WDR25: variants seen among roughly 807,000 people sequenced by gnomAD.
WDR25 encodes the protein WD repeat domain 25.
Under a neutral mutation model 47.7 loss-of-function variants are expected in WDR25, and 35 were observed. That is an observed-to-expected ratio of 0.73 (90% CI 0.56 to 0.97). WDR25 has a LOEUF of 0.97. WDR25 is among the 50% of genes least tolerant of loss of function. The pLI is 0.00. For synonymous variants in WDR25, 248 were observed against 278.9 expected (o/e 0.89, Z 1.10); for missense variants, 634 against 704.7 (o/e 0.90, Z 1.14).
At position 100,500,193 on chromosome 14, in the gene WDR25, G is replaced by T. The variant is rs541776673; in HGVS notation, c.1101+16069G>T. On this transcript the variant is annotated intron_variant, in intron 4 of 6. Coordinates refer to ENST00000402312, the MANE Select transcript of WDR25 (RefSeq NM_001161476.3). The surrounding 1 kb of genome is among the most constrained non-coding windows in gnomAD (Gnocchi z 4.7). ...GGGCGGCTCCCTCCTAGTGCATTGT[G>T]TGTGCCCCTGGTGTGGACACTGGAG... is the stretch of plus-strand genomic sequence containing the variant. Among the ~76,000 whole-genome samples the T allele has an allele frequency of 1.3e-5, 2 of 152,256 alleles. No individual in the cohort carries two copies. Among genetic ancestry groups the T allele is most frequent in the African/African-American group, 4.8e-5 (2 of 41,554 alleles).
At chr14:100,390,276 C>T (rs1340553049) in intron 2 of WDR25, among the ~76,000 whole-genome samples, 1 of 151,910 alleles carries the variant, frequency 6.6e-6, no homozygotes, top group Non-Finnish European at 1.5e-5. Context: ...ATGTTTGTCT[C>T]TTTCTTATCT....
chr14:100,390,618 C>T (rs916356322), intron 2 of WDR25, among the ~76,000 whole-genome samples: 4 of 152,192 alleles, frequency 2.6e-5, no homozygotes, highest in Non-Finnish European at 5.9e-5. Context: ...GCCAGCCTTC[C>T]GGCATCTGAG....
chr14:100,397,877 C>T (rs892123564), intron 2 of WDR25, among the ~76,000 whole-genome samples: 20 of 152,200 alleles, frequency 1.3e-4, no homozygotes, highest in Non-Finnish European at 2.2e-4. Context: ...CTTGCTCTGT[C>T]GCCTAGGCTG....
intron 4 of WDR25, among the ~76,000 whole-genome samples, chr14:100,520,543 G>A (rs554984722): frequency 2.0e-5 from 3 of 152,282 alleles, no homozygotes; most frequent in South Asian, 2.1e-4. Flanking sequence ...CCATGTAAAT[G>A]TCAGCTGCTT....
intron 2 of WDR25, among the ~76,000 whole-genome samples, chr14:100,458,333 G>C (rs1218660882): frequency 1.3e-5 from 2 of 152,100 alleles, no homozygotes; most frequent in African/African-American, 4.8e-5. Context: ...CATAACATTA[G>C]GTGTGTAATG....
At chr14:100,448,640 A>G (rs1898920402) in intron 2 of WDR25, among the ~76,000 whole-genome samples, 1 of 152,126 alleles carries the variant, frequency 6.6e-6, no homozygotes, top group Admixed American at 6.5e-5. Flanking sequence ...ACACCTGGCA[A>G]TGTGGGCATG....
Position 100,488,910 on chromosome 14 carries a change from G to A in WDR25, c.1101+4786G>A, listed in dbSNP as rs1229888634. Among the ~76,000 whole-genome samples, 1 of 152,168 alleles carries A rather than the reference G, an allele frequency of 6.6e-6. No homozygotes were observed. Among genetic ancestry groups the A allele is most frequent in the East Asian group, 1.9e-4 (1 of 5,196 alleles). On this transcript the variant is annotated intron_variant, in intron 4 of 6. Coordinates refer to ENST00000402312, the MANE Select transcript of WDR25 (RefSeq NM_001161476.3). The surrounding 1 kb of genome is among the most constrained non-coding windows in gnomAD (Gnocchi z 4.2). ...GGAGCCTGAGTCACCTCTGTGCCTG[G>A]CATCCCCGACAGGGCCTGGACCAGA...
At chr14:100,512,438 C>T (rs567255539) in intron 4 of WDR25, among the ~76,000 whole-genome samples, 2 of 152,062 alleles carry the variant, frequency 1.3e-5, no homozygotes, top group East Asian at 3.9e-4. Flanking sequence ...GGTGATACCA[C>T]CTCATTTCTC....
At chr14:100,388,188 A>G (rs763971057) in intron 2 of WDR25, among the ~76,000 whole-genome samples, 4 of 152,236 alleles carry the variant, frequency 2.6e-5, no homozygotes, top group Non-Finnish European at 5.9e-5. Context: ...AGGCAAATCT[A>G]TTGGCAATGA....
chr14:100,455,887 C>T (rs1899188405), intron 2 of WDR25, among the ~76,000 whole-genome samples: 1 of 152,196 alleles, frequency 6.6e-6, no homozygotes, highest in African/African-American at 2.4e-5. Context: ...TGGGTCTCCT[C>T]ACTCTCCTAA....
At position 100,523,334 on chromosome 14, in the gene WDR25, G is replaced by A. The variant is rs1325309074; in HGVS notation, c.1102-2536G>A. On this transcript the variant is annotated intron_variant, in intron 4 of 6. Coordinates refer to ENST00000402312, the MANE Select transcript of WDR25 (RefSeq NM_001161476.3). This position sits in a 1 kb window ranked among gnomAD's most constrained non-coding sequence, Gnocchi z 4.7. The stretch of plus-strand genomic sequence containing the variant: ...AGGTGGCTGATGTGGGCAGCTAAGG[G>A]AGCACAGGGTTGCGTGTGAGCCCAG... Among the ~76,000 whole-genome samples, 1 of 152,134 alleles carries A rather than the reference G, an allele frequency of 6.6e-6. No homozygotes were observed. The highest frequency in any genetic ancestry group is 2.4e-5 in the African/African-American group (1 of 41,428).
chr14:100,485,699 T>C (rs1009786104), intron 4 of WDR25, among the ~76,000 whole-genome samples: 2 of 152,198 alleles, frequency 1.3e-5, no homozygotes, highest in African/African-American at 4.8e-5. Flanking sequence ...GAGTAGAGGC[T>C]GTCCATGTGT....
chr14:100,525,029 G>A lies in WDR25; in HGVS notation c.1102-841G>A, dbSNP rs763675157. On this transcript the variant is annotated intron_variant, in intron 4 of 6. Transcript: ENST00000402312. The surrounding 1 kb of genome is among the most constrained non-coding windows in gnomAD (Gnocchi z 4.6). ...GTTTATGCTGCAGCCACATGGTGGC[G>A]GCCCAGGAACTGGTAAAGGGACCGG... Among the ~76,000 whole-genome samples, 31 of 152,192 alleles carry A rather than the reference G, an allele frequency of 2.0e-4. No homozygotes were observed. Among genetic ancestry groups the A allele is most frequent in the Non-Finnish European group, 3.4e-4 (23 of 68,032 alleles).
chr14:100,463,264 A>G (rs918215837), intron 2 of WDR25, among the ~76,000 whole-genome samples: 2 of 152,020 alleles, frequency 1.3e-5, no homozygotes, highest in African/African-American at 4.8e-5. Flanking sequence ...AACATACTCA[A>G]AATTATAGAA....
chr14:100,466,246 C>G (rs1275193682), intron 2 of WDR25, among the ~76,000 whole-genome samples: 2 of 152,200 alleles, frequency 1.3e-5, no homozygotes, highest in Non-Finnish European at 2.9e-5. Context: ...AAGAAAGGAA[C>G]TGAGCTCTCT....
intron 2 of WDR25, among the ~76,000 whole-genome samples, chr14:100,442,395 G>C (rs749006923): frequency 1.3e-5 from 2 of 152,170 alleles, no homozygotes; most frequent in Non-Finnish European, 2.9e-5. Context: ...GGGAAAGAAG[G>C]AAAGAAAAAG....
chr14:100,417,404 G>A (rs555817051), intron 2 of WDR25, among the ~76,000 whole-genome samples: 95 of 152,330 alleles, frequency 6.2e-4, no homozygotes, highest in African/African-American at 2.1e-3. Context: ...GGTCAGGCGA[G>A]GGTGCAGGGA....
In WDR25 at chr14:100,529,808, C is replaced by T. The variant is rs756760332; in HGVS notation, c.1414-12C>T. The T allele has an allele frequency of 3.1e-6, 5 of 1,609,700 alleles. No homozygotes were observed. In the South Asian group the frequency reaches 3.3e-5, roughly 11 times the overall value. On this transcript the variant is annotated splice_polypyrimidine_tract_variant and intron_variant, in intron 6 of 6. Coordinates refer to ENST00000402312, the MANE Select transcript of WDR25 (RefSeq NM_001161476.3). This position sits in a 1 kb window ranked among gnomAD's most constrained non-coding sequence, Gnocchi z 5.1. ...GGTGCGGCTTGCTCACCCACTGTGT[C>T]CCTCTCTGCAGGTGGAGGGCTACTC...
chr14:100,378,454 A>G (rs1187631079), intron 1 of WDR25, among the ~76,000 whole-genome samples: 1 of 152,112 alleles, frequency 6.6e-6, no homozygotes, highest in Admixed American at 6.5e-5. Context: ...GGCATGAGCC[A>G]CTATGCCCTG....
Sources: gnomAD v4.1 joint callset for allele counts (sites outside exome capture counted in the v4.1 genomes callset) on GRCh38, gnomAD v4.1.1 for gene constraint, Gnocchi (gnomAD v3.1) non-coding constraint, MANE v1.5 for transcripts, NCBI Gene and HGNC (gene_info 2026-07-23, HGNC 2026-07-21) for gene names.